The following SVEP1 variants were observed in gnomAD, a reference collection of about 807,000 sequenced individuals.
SVEP1 encodes sushi, von Willebrand factor type A, EGF and pentraxin domain containing 1.
In SVEP1, 164 loss-of-function variants were observed where a neutral mutation model predicts 367.3. That is an observed-to-expected ratio of 0.45 (90% confidence interval 0.39 to 0.51). SVEP1 has a LOEUF of 0.51. Among genes scored for constraint, SVEP1 ranks in the 20% least tolerant of loss-of-function variants. The pLI is 0.00. For synonymous variants in SVEP1, 1,666 were observed against 1,611.6 expected, an observed-to-expected ratio of 1.03 and a Z score of -0.81; for missense variants, 4,117 against 4,425.3, an observed-to-expected ratio of 0.93 and a Z score of 1.98.
In SVEP1 at chr9:110,408,903, G is replaced by A. The variant is rs1437173440; in HGVS notation, c.6697C>T (p.Pro2233Ser). The change falls in exon 38 of 48, where the codon CCG (proline) becomes TCG (serine). Residue 2233 changes from proline to serine, a missense_variant. This residue lies in a region of SVEP1 where 1,765 missense variants were observed against 1,781.1 expected (regional missense o/e 0.99). Transcript: ENST00000374469. ...GGACTTCCGACTGACTTATAGCCCG[G>A]GTTACACTGATACCTCACTTCACTC... ...FESEVRYQCNPGYKSVGSPVF... is the reference protein window; with the variant it reads ...FESEVRYQCNSGYKSVGSPVF... 1 of 1,609,426 alleles carries A rather than the reference G, an allele frequency of 6.2e-7. No individual in the cohort carries two copies. The highest frequency in any genetic ancestry group is 1.7e-5 in the Admixed American group (1 of 59,666).
chr9:110,525,823 A>G (rs1418956272), intron 3 of SVEP1, among the ~76,000 whole-genome samples: 1 of 152,084 alleles, frequency 6.6e-6, no homozygotes, highest in Non-Finnish European at 1.5e-5. Flanking sequence ...ACATGTGCAG[A>G]ATGTGCAGGT....
intron 18 of SVEP1, among the ~76,000 whole-genome samples, chr9:110,462,825 T>C (rs1473422016): frequency 6.6e-6 from 1 of 151,910 alleles, no homozygotes; most frequent in Non-Finnish European, 1.5e-5. Flanking sequence ...TCATATCACT[T>C]GTGCTGTTCT....
At chr9:110,494,792 CT>C (rs58175581) in intron 8 of SVEP1, among the ~76,000 whole-genome samples, 119,466 of 150,990 alleles carry the variant, frequency 0.79, 47,419 homozygotes, top group Admixed American at 0.85. Flanking sequence ...CCTTCTCTGT[CT>C]TTTTTTTTTC....
chr9:110,407,015 C>G lies in SVEP1; in HGVS notation c.8585G>C (p.Gly2862Ala). The G allele has an allele frequency of 6.2e-7, 1 of 1,613,942 alleles. No individual in the cohort carries two copies. Among genetic ancestry groups the G allele is most frequent in the Non-Finnish European group, 8.5e-7 (1 of 1,179,888 alleles). The stretch of plus-strand genomic sequence containing the variant: ...ACTCCTGGCTCCCTCAAGCAAGAAC[C>G]CTTCATTGCAAGTGTATTCAATCTC... ...QKEIEYTCNEGFLLEGARSRV... is the reference protein window; with the variant it reads ...QKEIEYTCNEAFLLEGARSRV... The change falls in exon 38 of 48, where the codon GGG becomes GCG. Residue 2862 changes from glycine to alanine, a missense_variant. By Grantham distance (60) the Gly-to-Ala change is moderately conservative (BLOSUM62 0). This residue lies in a region of SVEP1 where 1,765 missense variants were observed against 1,781.1 expected (regional missense o/e 0.99). Transcript: ENST00000374469.
intron 36 of SVEP1, among the ~76,000 whole-genome samples, chr9:110,416,286 G>C (rs1234022692): frequency 1.3e-5 from 2 of 151,334 alleles, no homozygotes; most frequent in East Asian, 3.9e-4. Flanking sequence ...ACAAAAGAAA[G>C]ACTCAAAATT....
At chr9:110,391,408 C>T (rs1012856316) in intron 40 of SVEP1, among the ~76,000 whole-genome samples, 9 of 151,686 alleles carry the variant, frequency 5.9e-5, no homozygotes, top group Admixed American at 5.3e-4. Flanking sequence ...GTAGCTGAGA[C>T]TACAGGTGCC....
In SVEP1 at chr9:110,407,287, T is replaced by G. The variant is rs771298916; in HGVS notation, c.8313A>C (p.Glu2771Asp). Residue 2771 changes from glutamate to aspartate, a missense_variant, in exon 38 of 48, where the codon GAA (glutamate) becomes GAC (aspartate). Coordinates refer to ENST00000374469, the MANE Select transcript of SVEP1 (RefSeq NM_153366.4). Reference protein sequence around the residue: ...RKWSGASPRCEAISCKKPNPV... With the variant: ...RKWSGASPRCDAISCKKPNPV... ...GATTTGGCTTTTTGCATGAAATGGC[T>G]TCACAGCGTGGGGAGGCACCACTCC... 2.0e-5 allele frequency: 33 copies of G among 1,613,892 alleles called. No homozygotes were observed. The highest frequency in any genetic ancestry group is 2.7e-5 in the Non-Finnish European group (32 of 1,179,910).
At chr9:110,429,791 C>A (rs546631673) in intron 34 of SVEP1, 129 bp downstream of exon 34, 3 of 692,852 alleles carry the variant, frequency 4.3e-6, no homozygotes, top group Non-Finnish European at 7.3e-6. Flanking sequence ...ATGTATCATT[C>A]GATTAATTAC....
rs546330209 is a variant in SVEP1, at chr9:110,468,557, A to C, written c.3160+383T>G. ...AAGCAGACTGTAAAACCCTCATGTG[A>C]GAAATGCCCACCCTATACTCAGAGG... On this transcript the variant is annotated intron_variant, in intron 17 of 47. Coordinates refer to ENST00000374469, the MANE Select transcript of SVEP1 (RefSeq NM_153366.4). 2.0e-5 allele frequency among the ~76,000 whole-genome samples: 3 copies of C among 152,344 alleles called. No individual in the cohort carries two copies. In the East Asian group the frequency reaches 5.8e-4, roughly 29 times the overall value.
chr9:110,412,811 C>T (rs1226623388), intron 36 of SVEP1, among the ~76,000 whole-genome samples: 2 of 152,214 alleles, frequency 1.3e-5, no homozygotes, highest in Non-Finnish European at 2.9e-5. Context: ...CACTGGCCAT[C>T]AGAGGAATGC....
At position 110,390,341 on chromosome 9, in the gene SVEP1, T is replaced by TTATATAAGTA; in HGVS notation, c.9823-755_9823-754insTACTTATATA. ...TATATATACTTATATATACACATAC[T>TTATATAAGTA]TATATACACTTATATATATATACTT... On this transcript the variant is annotated intron_variant, in intron 40 of 47. Coordinates refer to ENST00000374469, the MANE Select transcript of SVEP1 (RefSeq NM_153366.4). 3.6e-4 allele frequency among the ~76,000 whole-genome samples: 11 copies of TTATATAAGTA among 30,396 alleles called. 4 individuals are homozygous for TTATATAAGTA. The highest frequency in any genetic ancestry group is 0.062 in the Middle Eastern group (2 of 32). The allele number at this position is 30,396 out of a possible 152,430, so 19.9% of individuals were successfully genotyped here. A position where few individuals can be genotyped will look rare whatever the true frequency, so the allele number is the denominator to read the frequency against.
At chr9:110,415,880 G>A (rs759512052) in intron 36 of SVEP1, among the ~76,000 whole-genome samples, 31 of 152,050 alleles carry the variant, frequency 2.0e-4, no homozygotes, top group African/African-American at 6.1e-4. Flanking sequence ...AAGGGAAGTC[G>A]AGAGGATAGA....
rs1289550844 is a variant in SVEP1 at position 110,408,933 on chromosome 9, A to C, written c.6667T>G (p.Phe2223Val). The change falls in exon 38 of 48, where the codon TTT becomes GTT. Residue 2223 changes from phenylalanine (F) to valine (V), a missense_variant. Transcript: ENST00000374469. Reference protein sequence around the residue: ...GFLEHTTGRIFESEVRYQCNP... With the variant: ...GFLEHTTGRIVESEVRYQCNP... Reference sequence around the variant, plus strand: ...CACTGATACCTCACTTCACTCTCAAAGATCCTGCCAGTTGTATGCTGTGCA... The same window carrying C: ...CACTGATACCTCACTTCACTCTCAACGATCCTGCCAGTTGTATGCTGTGCA... The C allele has an allele frequency of 2.5e-6, 4 of 1,588,310 alleles. No individual in the cohort carries two copies. The highest frequency in any genetic ancestry group is 3.5e-5 in the Admixed American group (2 of 57,434).
At chr9:110,550,590 T>G (rs1342513320) in intron 1 of SVEP1, among the ~76,000 whole-genome samples, 2 of 152,120 alleles carry the variant, frequency 1.3e-5, no homozygotes, top group African/African-American at 4.8e-5. Flanking sequence ...GGAAGGAAAT[T>G]TAACAGAACA....
chr9:110,428,113 A>G (rs959603535), intron 35 of SVEP1, among the ~76,000 whole-genome samples: 1 of 152,094 alleles, frequency 6.6e-6, no homozygotes, highest in Non-Finnish European at 1.5e-5. Context: ...GAAGAAAGAC[A>G]CTCACCTAAG....
intron 17 of SVEP1, among the ~76,000 whole-genome samples, chr9:110,466,479 C>A (rs1201612421): frequency 6.6e-6 from 1 of 152,102 alleles, no homozygotes; most frequent in Non-Finnish European, 1.5e-5. Flanking sequence ...GAACTGGCGG[C>A]CGGGCACGGT....
chr9:110,503,981 T>C (rs1187508549), intron 5 of SVEP1, among the ~76,000 whole-genome samples: 1 of 152,278 alleles, frequency 6.6e-6, no homozygotes, highest in African/African-American at 2.4e-5. Flanking sequence ...CCATAATATA[T>C]AGCTGAGATT....
At chr9:110,490,190 T>C (rs1829346535) in intron 8 of SVEP1, among the ~76,000 whole-genome samples, 1 of 152,196 alleles carries the variant, frequency 6.6e-6, no homozygotes, top group Non-Finnish European at 1.5e-5. Flanking sequence ...TTTTTCTTCT[T>C]CTTTTCTTTA....
intron 46 of SVEP1, among the ~76,000 whole-genome samples, chr9:110,374,807 C>T (rs2118942765): frequency 2.0e-5 from 3 of 152,274 alleles, no homozygotes; most frequent in South Asian, 4.1e-4. Context: ...ACCATTCAAC[C>T]CAAGCAATCC....
Sources: gnomAD v4.1 joint callset for allele counts (sites outside exome capture counted in the v4.1 genomes callset) on GRCh38, gnomAD v4.1.1 for gene constraint, gnomAD v4.1.1 regional missense constraint, MANE v1.5 for transcripts, NCBI Gene and HGNC (gene_info 2026-07-23, HGNC 2026-07-21) for gene names.